GRM8: variants seen among roughly 807,000 people sequenced by gnomAD.
GRM8 encodes metabotropic glutamate receptor 8.
GRM8 carries 47 observed loss-of-function variants against 87.2 expected under a neutral mutation model. That is an observed-to-expected ratio of 0.54 (90% CI 0.43 to 0.69). The LOEUF (loss-of-function observed/expected upper bound fraction) is 0.69. Among genes scored for constraint, GRM8 ranks in the 30% least tolerant of loss-of-function variants. The pLI, the probability that GRM8 is intolerant of heterozygous loss-of-function variation, is 0.00. For synonymous variants in GRM8, 396 were observed against 404.5 expected, an observed-to-expected ratio of 0.98 and a Z score of 0.25; for missense variants, 1,019 against 1,139.2, an observed-to-expected ratio of 0.89 and a Z score of 1.52.
rs145227493 is a variant in GRM8 at position 127,127,656 on chromosome 7, C to A, written c.511-20944G>T. ...CAGGGTAAGAGGACTGTAAATGGCA[C>A]AAGGAAAGTTTTTAGGTGACGGAAA... is the stretch of plus-strand genomic sequence containing the variant. On this transcript the variant is annotated intron_variant, in intron 2 of 10. Transcript: ENST00000339582. 2.0e-5 allele frequency among the ~76,000 whole-genome samples: 3 copies of A among 151,838 alleles called. No individual in the cohort carries two copies. In the East Asian group the frequency reaches 5.8e-4, roughly 29 times the overall value.
intron 3 of GRM8, among the ~76,000 whole-genome samples, chr7:127,036,571 TG>T (rs1352118171): frequency 6.6e-6 from 1 of 152,132 alleles, no homozygotes; most frequent in Non-Finnish European, 1.5e-5. Context: ...ATCCCCACCC[TG>T]GGATCCCCAT....
chr7:126,940,854 C>T (rs965274636), intron 3 of GRM8, among the ~76,000 whole-genome samples: 3 of 152,120 alleles, frequency 2.0e-5, no homozygotes, highest in African/African-American at 7.2e-5. Context: ...GGCTAAGAGC[C>T]CAGCCTGGAG....
intron 9 of GRM8, among the ~76,000 whole-genome samples, chr7:126,523,086 G>A (rs556571816): frequency 2.6e-5 from 4 of 152,242 alleles, no homozygotes; most frequent in Admixed American, 6.5e-5. Flanking sequence ...AGAAGAGGAC[G>A]TTCAAAAAGG....
At chr7:126,660,572 A>C (rs1805052364) in intron 7 of GRM8, among the ~76,000 whole-genome samples, 1 of 152,212 alleles carries the variant, frequency 6.6e-6, no homozygotes, top group Non-Finnish European at 1.5e-5. Flanking sequence ...AGGTGTTTGG[A>C]TACATGTCTA....
chr7:127,055,705 T>C (rs1449484681), intron 3 of GRM8, among the ~76,000 whole-genome samples: 1 of 152,004 alleles, frequency 6.6e-6, no homozygotes, highest in Non-Finnish European at 1.5e-5. Context: ...CATATGCTTC[T>C]TATCAAGGTG....
chr7:126,744,582 A>C (rs77987560), intron 7 of GRM8, among the ~76,000 whole-genome samples: 2,887 of 152,168 alleles, frequency 0.019, 56 homozygotes, highest in Non-Finnish European at 0.025. Flanking sequence ...AGCTTCTATG[A>C]TTAAAATATC....
chr7:127,044,760 C>G (rs190299696), intron 3 of GRM8, among the ~76,000 whole-genome samples: 1 of 152,116 alleles, frequency 6.6e-6, no homozygotes, highest in Non-Finnish European at 1.5e-5. Flanking sequence ...ATAGCAGCAA[C>G]GGCTAACATA....
Position 126,795,121 on chromosome 7 carries a change from A to G in GRM8, c.1157-25056T>C, listed in dbSNP as rs1041599089. The stretch of plus-strand genomic sequence containing the variant: ...CTTATTTATTACATTTGGCAGCCCA[A>G]GTTATAAAGCTCAGGCACAGCAAGA... On this transcript the variant is annotated intron_variant, in intron 6 of 10. Transcript: ENST00000339582. Among the ~76,000 whole-genome samples the G allele has an allele frequency of 3.0e-4, 45 of 152,200 alleles. 1 individual carries two copies. The highest frequency in any genetic ancestry group is 1.0e-4 in the Non-Finnish European group (7 of 68,036).
intron 7 of GRM8, among the ~76,000 whole-genome samples, chr7:126,674,237 T>C (rs1043422697): frequency 2.0e-5 from 3 of 152,220 alleles, no homozygotes; most frequent in Non-Finnish European, 2.9e-5. Flanking sequence ...CTTACAGATG[T>C]CTGTGTTGTA....
intron 5 of GRM8, 152 bp from the exon 6 acceptor site, chr7:126,902,831 G>C (rs181538147): frequency 1.3e-4 from 68 of 540,206 alleles, no homozygotes; most frequent in Non-Finnish European, 2.1e-4. Context: ...CATAAATAAG[G>C]CCTCTCTTAT....
At chr7:126,541,143 T>G (rs765667088) in intron 8 of GRM8, among the ~76,000 whole-genome samples, 25 of 151,928 alleles carry the variant, frequency 1.6e-4, no homozygotes, top group Non-Finnish European at 2.6e-4. Context: ...CAATCACAGC[T>G]CACAGTGAGT....
At chr7:126,624,270 T>G (rs1224225678) in intron 7 of GRM8, among the ~76,000 whole-genome samples, 1 of 152,224 alleles carries the variant, frequency 6.6e-6, no homozygotes, top group Non-Finnish European at 1.5e-5. Flanking sequence ...CTTGCTCATT[T>G]TCTGTACTCC....
chr7:126,439,825 A>AGTGTGTGTGTGTGTGTGTGTGTGTGTGT (rs57638512), intron 10 of GRM8, among the ~76,000 whole-genome samples: 14 of 142,570 alleles, frequency 9.8e-5, no homozygotes, highest in East Asian at 4.3e-4. Flanking sequence ...GGCCTAGGCT[A>AGTGTGTGTGTGTGTGTGTGTGTGTGTGT]GTGTGTGTGT....
intron 7 of GRM8, 108 bp from the exon 8 acceptor site, chr7:126,609,606 G>A (rs1798714239): frequency 1.3e-6 from 1 of 779,482 alleles, no homozygotes; most frequent in African/African-American, 1.7e-5. Context: ...TGTGAAGTAA[G>A]TGATGCAAAG....
intron 7 of GRM8, among the ~76,000 whole-genome samples, chr7:126,612,767 T>C (rs1340641542): frequency 6.6e-6 from 1 of 152,248 alleles, no homozygotes; most frequent in Non-Finnish European, 1.5e-5. Context: ...CAATAAATTA[T>C]AGGAAAGCAT....
intron 2 of GRM8, among the ~76,000 whole-genome samples, chr7:127,180,420 CA>C (rs1166296224): frequency 2.0e-5 from 3 of 151,950 alleles, no homozygotes; most frequent in Non-Finnish European, 4.4e-5. Flanking sequence ...ACCAGACATC[CA>C]AAAAAGAATT....
At chr7:126,772,376 A>G (rs191854867) in intron 6 of GRM8, among the ~76,000 whole-genome samples, 1 of 152,270 alleles carries the variant, frequency 6.6e-6, no homozygotes, top group Admixed American at 6.5e-5. Context: ...TGAACTTGAT[A>G]ACGGAAAATA....
At chr7:127,040,207 T>C (rs1485015182) in intron 3 of GRM8, among the ~76,000 whole-genome samples, 1 of 151,968 alleles carries the variant, frequency 6.6e-6, no homozygotes, top group Non-Finnish European at 1.5e-5. Context: ...GCTGCTTTAG[T>C]CTCCCTGCCA....
At chr7:126,984,111 T>C (rs1244152686) in intron 3 of GRM8, among the ~76,000 whole-genome samples, 2 of 152,266 alleles carry the variant, frequency 1.3e-5, no homozygotes, top group African/African-American at 4.8e-5. Flanking sequence ...TAAGTATTGT[T>C]AACTCTATGG....
Sources: allele counts gnomAD v4.1 joint callset (sites outside exome capture counted in the v4.1 genomes callset), GRCh38; gene constraint gnomAD v4.1.1; transcripts MANE v1.5; gene names NCBI Gene and HGNC (gene_info 2026-07-23, HGNC 2026-07-21).